The following RAPGEF5 variants were observed in gnomAD, a reference collection of about 807,000 sequenced individuals.
The protein encoded by RAPGEF5 is M-Ras-regulated GEF.
RAPGEF5 carries 65 observed loss-of-function variants against 125.2 expected under a neutral mutation model. The ratio of observed to expected loss-of-function variants is 0.52; its 90% CI spans 0.43 to 0.64. The LOEUF (loss-of-function observed/expected upper bound fraction) is 0.64, where lower values mean the gene tolerates loss of function less well. RAPGEF5 is among the 30% of genes least tolerant of loss of function. The probability of loss-of-function intolerance (pLI) is 0.00; values close to 1 mark genes in which losing one functional copy is unlikely to be tolerated. For synonymous variants in RAPGEF5, 391 were observed against 385.9 expected, an observed-to-expected ratio of 1.01 and a Z score of -0.16; for missense variants, 958 against 1,048.1, an observed-to-expected ratio of 0.91 and a Z score of 1.19.
intron 8 of RAPGEF5, among the ~76,000 whole-genome samples, chr7:22,229,481 G>A (rs761861427): frequency 6.6e-6 from 1 of 152,190 alleles, no homozygotes; most frequent in Non-Finnish European, 1.5e-5. Flanking sequence ...TGTGAAGCCT[G>A]GCAAATAGGT....
intron 6 of RAPGEF5, among the ~76,000 whole-genome samples, chr7:22,284,047 T>C (rs1782736827): frequency 6.8e-6 from 1 of 146,396 alleles, no homozygotes; most frequent in South Asian, 2.2e-4. Context: ...GATGATGGCT[T>C]AGTAATTAAT....
intron 5 of RAPGEF5, among the ~76,000 whole-genome samples, chr7:22,296,153 A>T (rs1043609136): frequency 6.6e-6 from 1 of 152,156 alleles, no homozygotes; most frequent in Non-Finnish European, 1.5e-5. Context: ...ATCCAAAGTG[A>T]GAGCAGAAAA....
At chr7:22,340,842 C>T (rs1275930693) in intron 1 of RAPGEF5, among the ~76,000 whole-genome samples, 1 of 152,220 alleles carries the variant, frequency 6.6e-6, no homozygotes, top group Non-Finnish European at 1.5e-5. Context: ...GTCCTCTGGG[C>T]TTCCATTTGC....
intron 11 of RAPGEF5, among the ~76,000 whole-genome samples, chr7:22,190,461 T>A (rs1018173102): frequency 1.3e-5 from 2 of 152,186 alleles, no homozygotes; most frequent in African/African-American, 4.8e-5. Context: ...CTTTTAAGCA[T>A]CTCTAGAATT....
At chr7:22,336,702 T>C (rs6971972) in intron 1 of RAPGEF5, among the ~76,000 whole-genome samples, 2,614 of 152,212 alleles carry the variant, frequency 0.017, 71 homozygotes, top group African/African-American at 0.06. Context: ...GCCCCTCCTC[T>C]TCCTGGGTGG....
intron 1 of RAPGEF5, among the ~76,000 whole-genome samples, chr7:22,330,739 A>G (rs1783900777): frequency 6.6e-6 from 1 of 152,198 alleles, no homozygotes; most frequent in Non-Finnish European, 1.5e-5. Flanking sequence ...TCTATACGCA[A>G]CCAGGTTCTA....
chr7:22,312,212 CT>C (rs796272787), intron 3 of RAPGEF5, among the ~76,000 whole-genome samples: 241 of 143,684 alleles, frequency 1.7e-3, no homozygotes, highest in Non-Finnish European at 1.7e-3. Context: ...TTCCACATTC[CT>C]TTTTTTTTTT....
intron 1 of RAPGEF5, among the ~76,000 whole-genome samples, chr7:22,328,201 G>A (rs2128157132): frequency 6.6e-6 from 1 of 152,300 alleles, no homozygotes; most frequent in African/African-American, 2.4e-5. Flanking sequence ...CTTACCCAAG[G>A]TTCCTCCTGG....
intron 23 of RAPGEF5, among the ~76,000 whole-genome samples, chr7:22,132,974 C>T (rs1266411282): frequency 6.6e-6 from 1 of 152,206 alleles, no homozygotes; most frequent in Non-Finnish European, 1.5e-5. Flanking sequence ...TGCGCCTCTC[C>T]AGGCACCTCA....
In RAPGEF5 at chr7:22,197,762, G is replaced by T. The variant is rs187737332; in HGVS notation, c.997-3729C>A. On this transcript the variant is annotated intron_variant, in intron 9 of 25. Transcript: ENST00000665637. ...CTTTGAATTCCCAATAGTTAGCCAG[G>T]TCTTGACATTTCACAGACACTCAAT... is the stretch of plus-strand genomic sequence containing the variant. Among the ~76,000 whole-genome samples the T allele has an allele frequency of 6.8e-4, 104 of 152,204 alleles. 1 individual carries two copies. The highest frequency in any genetic ancestry group is 1.7e-3 in the African/African-American group (70 of 41,508).
intron 1 of RAPGEF5, among the ~76,000 whole-genome samples, chr7:22,330,841 T>C (rs1282036317): frequency 1.3e-5 from 2 of 152,354 alleles, no homozygotes; most frequent in East Asian, 1.9e-4. Context: ...ATGGTCAATG[T>C]CGTTTTTAGT....
rs1276710273 is a variant in RAPGEF5, at chr7:22,193,632, G to T, written c.1116-177C>A. 4.5e-6 allele frequency: 7 copies of T among 1,550,620 alleles called. No homozygotes were observed. In the South Asian group the frequency reaches 8.3e-5, roughly 18 times the overall value. On this transcript the variant is annotated intron_variant, in intron 10 of 25. Transcript: ENST00000665637. ...CGGAATCTTTCCTCTCCAAATGAGG[G>T]TCAAAGACCCTCAGCCGGGAGCTGC...
intron 1 of RAPGEF5, among the ~76,000 whole-genome samples, chr7:22,322,760 CAG>C (rs1336780137): frequency 2.0e-5 from 3 of 152,160 alleles, no homozygotes; most frequent in African/African-American, 7.2e-5. Context: ...ACAAATAAAA[CAG>C]GTACTAAGGA....
At chr7:22,273,041 T>C (rs2128143102) in intron 6 of RAPGEF5, among the ~76,000 whole-genome samples, 1 of 151,924 alleles carries the variant, frequency 6.6e-6, no homozygotes, top group African/African-American at 2.4e-5. Context: ...ATTGCAGGCG[T>C]GAGCCACCAT....
intron 7 of RAPGEF5, among the ~76,000 whole-genome samples, chr7:22,252,266 C>T (rs886071205): frequency 6.6e-6 from 1 of 152,194 alleles, no homozygotes; most frequent in Admixed American, 6.5e-5. Flanking sequence ...TGGGCAACGT[C>T]ACCTTACTGG....
At chr7:22,204,566 T>C (rs1190985603) in intron 9 of RAPGEF5, among the ~76,000 whole-genome samples, 4 of 152,216 alleles carry the variant, frequency 2.6e-5, no homozygotes, top group African/African-American at 9.6e-5. Flanking sequence ...CTAGCTACTG[T>C]AGCAGCTGCC....
At chr7:22,158,259 G>T (rs1310989604) in intron 14 of RAPGEF5, among the ~76,000 whole-genome samples, 3 of 152,184 alleles carry the variant, frequency 2.0e-5, no homozygotes, top group African/African-American at 7.2e-5. Flanking sequence ...GATAGTGACA[G>T]ATTTTAGGTG....
chr7:22,180,795 C>A (rs1166840927), intron 11 of RAPGEF5, among the ~76,000 whole-genome samples: 1 of 152,128 alleles, frequency 6.6e-6, no homozygotes, highest in Non-Finnish European at 1.5e-5. Flanking sequence ...AATATTAATT[C>A]ATCCTGATCT....
At chr7:22,320,164 T>C (rs1176984759) in intron 1 of RAPGEF5, among the ~76,000 whole-genome samples, 1 of 152,210 alleles carries the variant, frequency 6.6e-6, no homozygotes, top group Non-Finnish European at 1.5e-5. Flanking sequence ...AGGAACTCCC[T>C]TGAAACCCTC....
Sources: gnomAD v4.1 joint callset for allele counts (sites outside exome capture counted in the v4.1 genomes callset) on GRCh38, gnomAD v4.1.1 for gene constraint, MANE v1.5 for transcripts, NCBI Gene and HGNC (gene_info 2026-07-23, HGNC 2026-07-21) for gene names.